The following IGF2BP3 variants were observed in gnomAD, a reference collection of about 807,000 sequenced individuals.
IGF2BP3 encodes insulin-like growth factor 2 mRNA-binding protein 3.
In IGF2BP3, 9 loss-of-function variants were observed where a neutral mutation model predicts 73.8. The ratio of observed to expected loss-of-function variants is 0.12; its 90% CI spans 0.07 to 0.21. The LOEUF (loss-of-function observed/expected upper bound fraction) is 0.21. Among genes scored for constraint, IGF2BP3 ranks in the 10% least tolerant of loss-of-function variants. IGF2BP3 has a pLI of 1.00. For synonymous variants in IGF2BP3, 258 were observed against 256.7 expected (o/e 1.01, Z -0.05); for missense variants, 542 against 714.0 (o/e 0.76, Z 2.75).
chr7:23,369,585 G>C (rs1195631478), intron 3 of IGF2BP3, among the ~76,000 whole-genome samples: 2 of 151,858 alleles, frequency 1.3e-5, no homozygotes, highest in African/African-American at 4.8e-5. Flanking sequence ...TTGAAATACA[G>C]AATAAACTGC....
intron 3 of IGF2BP3, among the ~76,000 whole-genome samples, chr7:23,391,513 T>C (rs1291956472): frequency 1.3e-5 from 2 of 152,170 alleles, no homozygotes; most frequent in South Asian, 2.1e-4. Flanking sequence ...GTAATGGGTT[T>C]AGACACTCAG....
intron 2 of IGF2BP3, among the ~76,000 whole-genome samples, chr7:23,420,446 C>T (rs1285524269): frequency 3.3e-5 from 5 of 151,812 alleles, no homozygotes; most frequent in Non-Finnish European, 7.4e-5. Context: ...CCACTGCAAT[C>T]CAGCCTGGGC....
rs138698479 is a variant in IGF2BP3 at position 23,429,685 on chromosome 7, G to A, written c.237-10861C>T. Among the ~76,000 whole-genome samples the A allele has an allele frequency of 2.7e-4, 41 of 152,254 alleles. 1 individual carries two copies. In the East Asian group the frequency reaches 6.9e-3, roughly 26 times the overall value. On this transcript the variant is annotated intron_variant, in intron 2 of 14. Transcript: ENST00000258729. ...CTCAATATTGAAATTAAGTGGACAAGCTTACATATTAATACCAAGAAAGAA... is the reference window on the plus strand; with the variant it reads ...CTCAATATTGAAATTAAGTGGACAAACTTACATATTAATACCAAGAAAGAA...
At chr7:23,370,813 G>T (rs1392841118) in intron 3 of IGF2BP3, among the ~76,000 whole-genome samples, 1 of 152,018 alleles carries the variant, frequency 6.6e-6, no homozygotes, top group African/African-American at 2.4e-5. Flanking sequence ...GAGAAGCTGG[G>T]ATTACAGGCG....
chr7:23,365,383 A>G (rs1401594419), intron 3 of IGF2BP3, among the ~76,000 whole-genome samples: 1 of 152,200 alleles, frequency 6.6e-6, no homozygotes, highest in Non-Finnish European at 1.5e-5. Flanking sequence ...TGCCACCTTA[A>G]CTTTTATTAC....
intron 2 of IGF2BP3, among the ~76,000 whole-genome samples, chr7:23,455,823 C>A (rs192658978): frequency 0.016 from 2,408 of 152,160 alleles, 75 homozygotes; most frequent in African/African-American, 0.055. Flanking sequence ...GTAACTGGGA[C>A]TACAGGCGCC....
chr7:23,341,311 A>G (rs1308382559), intron 10 of IGF2BP3, among the ~76,000 whole-genome samples: 4 of 152,196 alleles, frequency 2.6e-5, no homozygotes, highest in African/African-American at 9.6e-5. Context: ...CTGACCTTTC[A>G]AAGCCATTGA....
At position 23,312,119 on chromosome 7, in the gene IGF2BP3, C is replaced by A; in HGVS notation, c.*243G>T. The A allele has an allele frequency of 7.4e-5, 28 of 380,192 alleles. No individual in the cohort carries two copies. The highest frequency in any genetic ancestry group is 1.1e-4 in the Non-Finnish European group (22 of 209,376). The allele number at this position is 380,192 out of a possible 1,614,324, so 23.6% of individuals were successfully genotyped here. A position where few individuals can be genotyped will look rare whatever the true frequency, so the allele number is the denominator to read the frequency against. ...GCAGAGCTCTTCTCTTTCCCTCCCT[C>A]CCCCACCCTTTTTTTGTTTGTTTGT... On this transcript the variant is annotated 3_prime_UTR_variant, in exon 15 of 15. Coordinates refer to ENST00000258729, the MANE Select transcript of IGF2BP3 (RefSeq NM_006547.3).
chr7:23,417,625 G>A (rs139837071), intron 3 of IGF2BP3, among the ~76,000 whole-genome samples: 39 of 151,894 alleles, frequency 2.6e-4, no homozygotes, highest in African/African-American at 8.7e-4. Flanking sequence ...TGTAGCTCCT[G>A]AACAAAAAAA....
chr7:23,419,471 A>AG (rs1367335884), intron 2 of IGF2BP3, among the ~76,000 whole-genome samples: 2 of 152,244 alleles, frequency 1.3e-5, no homozygotes, highest in African/African-American at 4.8e-5. Context: ...TATTATACTA[A>AG]GCACCTATCA....
At chr7:23,467,296 T>G (rs1381457071) in intron 2 of IGF2BP3, among the ~76,000 whole-genome samples, 2 of 152,244 alleles carry the variant, frequency 1.3e-5, no homozygotes, top group African/African-American at 4.8e-5. Flanking sequence ...TTTGTAGCCA[T>G]CTATTTCTGC....
intron 3 of IGF2BP3, among the ~76,000 whole-genome samples, chr7:23,397,427 C>T (rs894728208): frequency 6.6e-6 from 1 of 152,234 alleles, no homozygotes; most frequent in Non-Finnish European, 1.5e-5. Context: ...GAGCCATGAA[C>T]TAGCACCATC....
At chr7:23,464,781 G>A (rs1214523402) in intron 2 of IGF2BP3, among the ~76,000 whole-genome samples, 1 of 151,748 alleles carries the variant, frequency 6.6e-6, no homozygotes, top group Admixed American at 6.6e-5. Flanking sequence ...ATCCTGCCTA[G>A]AAAAATATTA....
intron 3 of IGF2BP3, among the ~76,000 whole-genome samples, chr7:23,387,149 T>G (rs1019812338): frequency 6.6e-6 from 1 of 151,990 alleles, no homozygotes; most frequent in Non-Finnish European, 1.5e-5. Context: ...CAGTGGTAAG[T>G]CATATTGCTT....
intron 2 of IGF2BP3, among the ~76,000 whole-genome samples, chr7:23,435,354 T>C (rs1253112017): frequency 1.3e-5 from 2 of 149,254 alleles, no homozygotes; most frequent in Admixed American, 6.7e-5. Context: ...AGCCCTATCA[T>C]GTCTTCTGAG....
chr7:23,377,252 A>G (rs1785754140), intron 3 of IGF2BP3, among the ~76,000 whole-genome samples: 1 of 152,344 alleles, frequency 6.6e-6, no homozygotes, highest in Admixed American at 6.5e-5. Context: ...TACATCTAGC[A>G]TATACAAAGA....
Position 23,319,133 on chromosome 7 carries a change from A to G in IGF2BP3, c.1320+5T>C. On this transcript the variant is annotated splice_donor_5th_base_variant and intron_variant, in intron 11 of 14. Transcript: ENST00000258729. ...ACCAGAGAACCACAGCTGGTAGAAC[A>G]GTACCTTAATTGAAGCTCCAGCAAA... The G allele has an allele frequency of 6.3e-7, 1 of 1,582,102 alleles. No individual in the cohort carries two copies.
At chr7:23,395,128 C>T (rs1039308408) in intron 3 of IGF2BP3, among the ~76,000 whole-genome samples, 1 of 152,156 alleles carries the variant, frequency 6.6e-6, no homozygotes, top group African/African-American at 2.4e-5. Flanking sequence ...ATGTTTCTGA[C>T]TTCTTTGTGA....
At position 23,401,042 on chromosome 7, in the gene IGF2BP3, C is replaced by T. The variant is rs926839595; in HGVS notation, c.285+17734G>A. 2.6e-5 allele frequency among the ~76,000 whole-genome samples: 4 copies of T among 152,302 alleles called. No homozygotes were observed. The South Asian group carries it at 8.3e-4, about 32-fold the overall frequency. ...TCTCAAACTCCTGACCTCAAGTGAC[C>T]TGCCTGCCTCCCCCAAAGTGCTGGA... On this transcript the variant is annotated intron_variant, in intron 3 of 14. Coordinates refer to ENST00000258729, the MANE Select transcript of IGF2BP3 (RefSeq NM_006547.3).
Sources: gnomAD v4.1 joint callset for allele counts (sites outside exome capture counted in the v4.1 genomes callset) on GRCh38, gnomAD v4.1.1 for gene constraint, MANE v1.5 for transcripts, NCBI Gene and HGNC (gene_info 2026-07-23, HGNC 2026-07-21) for gene names.